IQCM: variants seen among roughly 807,000 people sequenced by gnomAD.
IQCM encodes the protein IQ motif containing M.
In IQCM, 45 loss-of-function variants were observed where a neutral mutation model predicts 57.6. The ratio of observed to expected loss-of-function variants is 0.78; its 90% CI spans 0.62 to 1.00. The LOEUF (loss-of-function observed/expected upper bound fraction) is 1.00, where lower values mean the gene tolerates loss of function less well. IQCM is among the 50% of genes least tolerant of loss of function. The pLI is 0.00. For missense variants in IQCM, 468 were observed against 511.6 expected (o/e 0.91, Z 0.82); for synonymous variants, 148 against 158.9 (o/e 0.93, Z 0.51).
chr4:149,627,613 G>C (rs1279976262), intron 7 of IQCM, among the ~76,000 whole-genome samples: 1 of 152,126 alleles, frequency 6.6e-6, no homozygotes. Context: ...GAGGGTAAGA[G>C]GTTGTGTGAA....
intron 12 of IQCM, among the ~76,000 whole-genome samples, chr4:149,485,443 G>A (rs532196386): frequency 8.6e-5 from 13 of 151,488 alleles, no homozygotes; most frequent in African/African-American, 3.1e-4. Context: ...TTTTCAAATA[G>A]TCTGTCTTCA....
chr4:149,632,888 G>A (rs891366969), intron 7 of IQCM, among the ~76,000 whole-genome samples: 5 of 152,028 alleles, frequency 3.3e-5, no homozygotes, highest in African/African-American at 1.2e-4. Context: ...TCGGCCGGGC[G>A]CGGTGGCTCA....
At chr4:149,761,204 C>G (rs1036795354) in intron 2 of IQCM, among the ~76,000 whole-genome samples, 1 of 152,040 alleles carries the variant, frequency 6.6e-6, no homozygotes, top group Non-Finnish European at 1.5e-5. Flanking sequence ...TTACTAAATA[C>G]TTAAAAAATC....
chr4:149,582,813 T>C (rs1435457079), intron 9 of IQCM, among the ~76,000 whole-genome samples: 1 of 151,642 alleles, frequency 6.6e-6, no homozygotes, highest in Admixed American at 6.6e-5. Flanking sequence ...GCAGGCTAAC[T>C]TTCCATTCAT....
intron 12 of IQCM, among the ~76,000 whole-genome samples, chr4:149,508,302 C>G (rs935424867): frequency 6.6e-6 from 1 of 151,974 alleles, no homozygotes; most frequent in Non-Finnish European, 1.5e-5. Context: ...AATGGTAGAT[C>G]AACTGATAGC....
intron 7 of IQCM, among the ~76,000 whole-genome samples, chr4:149,675,011 A>C (rs191486670): frequency 6.6e-6 from 1 of 152,200 alleles, no homozygotes; most frequent in Admixed American, 6.6e-5. Context: ...GAAGTATTAC[A>C]AAGATTGTTG....
intron 5 of IQCM, among the ~76,000 whole-genome samples, chr4:149,702,910 G>A (rs1763874741): frequency 6.6e-6 from 1 of 151,988 alleles, no homozygotes; most frequent in Admixed American, 6.6e-5. Context: ...CATGTTGACA[G>A]CACTGGTAAA....
chr4:149,614,024 G>T (rs544455860), intron 8 of IQCM, among the ~76,000 whole-genome samples: 1 of 152,036 alleles, frequency 6.6e-6, no homozygotes, highest in Non-Finnish European at 1.5e-5. Context: ...TCTACAAAAC[G>T]AATGACCTGT....
At chr4:149,649,564 A>T (rs964901302) in intron 7 of IQCM, among the ~76,000 whole-genome samples, 1 of 152,156 alleles carries the variant, frequency 6.6e-6, no homozygotes, top group Non-Finnish European at 1.5e-5. Flanking sequence ...TATTATTTCA[A>T]AAAGGATGAT....
chr4:149,730,432 A>C (rs557242283), intron 5 of IQCM, among the ~76,000 whole-genome samples: 1 of 152,326 alleles, frequency 6.6e-6, no homozygotes, highest in Admixed American at 6.5e-5. Flanking sequence ...TCTTTAAAAC[A>C]TTTAAATTGT....
chr4:149,477,111 C>A (rs889682539), intron 12 of IQCM, among the ~76,000 whole-genome samples: 1 of 152,094 alleles, frequency 6.6e-6, no homozygotes, highest in African/African-American at 2.4e-5. Flanking sequence ...TAAGTAGCAA[C>A]AGATCTTAAA....
At chr4:149,720,171 G>T (rs1184857558) in intron 5 of IQCM, among the ~76,000 whole-genome samples, 1 of 152,138 alleles carries the variant, frequency 6.6e-6, no homozygotes, top group Non-Finnish European at 1.5e-5. Context: ...TGCTTAATCA[G>T]AAAACCTCTG....
chr4:149,551,697 A>G (rs1359711009), intron 11 of IQCM, among the ~76,000 whole-genome samples: 1 of 137,968 alleles, frequency 7.2e-6, no homozygotes. Flanking sequence ...ATATTAGATT[A>G]TATAATATAA....
intron 7 of IQCM, among the ~76,000 whole-genome samples, chr4:149,678,676 A>G (rs1761949576): frequency 6.6e-6 from 1 of 151,636 alleles, no homozygotes. Context: ...TAATAAATAA[A>G]TCTAGTATGA....
chr4:149,515,217 CT>C (rs1744831130), intron 12 of IQCM, among the ~76,000 whole-genome samples: 2 of 151,806 alleles, frequency 1.3e-5, no homozygotes, highest in Non-Finnish European at 2.9e-5. Context: ...AGCTCTTGGC[CT>C]GTTACTAGGC....
chr4:149,612,254 G>T (rs1755361235), intron 8 of IQCM, among the ~76,000 whole-genome samples: 1 of 152,008 alleles, frequency 6.6e-6, no homozygotes, highest in Non-Finnish European at 1.5e-5. Context: ...ATGAGATTTG[G>T]GTGAGGACCC....
chr4:149,726,809 C>A (rs945290779), intron 5 of IQCM, among the ~76,000 whole-genome samples: 29 of 151,180 alleles, frequency 1.9e-4, no homozygotes, highest in Non-Finnish European at 3.8e-4. Flanking sequence ...TACTATATAT[C>A]TTTTTTTTTC....
At chr4:149,774,417 T>C (rs1339064060) in intron 2 of IQCM, among the ~76,000 whole-genome samples, 1 of 152,144 alleles carries the variant, frequency 6.6e-6, no homozygotes, top group African/African-American at 2.4e-5. Context: ...CTCTATTTCC[T>C]TTAAAAAAAC....
intron 12 of IQCM, among the ~76,000 whole-genome samples, chr4:149,543,230 A>G (rs1416485196): frequency 6.6e-6 from 1 of 152,120 alleles, no homozygotes. Flanking sequence ...CATATGGCAG[A>G]TTACTACTCT....
Sources: allele counts gnomAD v4.1 joint callset (sites outside exome capture counted in the v4.1 genomes callset), GRCh38; gene constraint gnomAD v4.1.1; transcripts MANE v1.5; gene names NCBI Gene and HGNC (gene_info 2026-07-23, HGNC 2026-07-21).